The following CCSER1 variants were observed in gnomAD, a reference collection of about 807,000 sequenced individuals.
CCSER1 encodes the protein coiled-coil serine rich protein 1, also known as serine-rich coiled-coil domain-containing protein 1.
CCSER1 carries 41 observed loss-of-function variants against 82.0 expected under a neutral mutation model. The observed-to-expected ratio is 0.50, with a 90% CI of 0.39 to 0.65. The LOEUF (loss-of-function observed/expected upper bound fraction) is 0.65, where lower values mean the gene tolerates loss of function less well. Ranked by LOEUF, CCSER1 falls within the 30% of genes least tolerant of loss-of-function variation. The probability of loss-of-function intolerance (pLI) is 0.00; values close to 1 mark genes in which losing one functional copy is unlikely to be tolerated. For missense variants in CCSER1, 1,119 were observed against 1,064.2 expected (o/e 1.05, Z -0.72); for synonymous variants, 414 against 383.9 (o/e 1.08, Z -0.92).
intron 4 of CCSER1, among the ~76,000 whole-genome samples, chr4:90,419,616 A>C (rs1756378708): frequency 6.6e-6 from 1 of 151,946 alleles, no homozygotes; most frequent in Admixed American, 6.6e-5. Flanking sequence ...AATCATAATA[A>C]CATCTTAGAA....
At chr4:91,334,322 C>T (rs539223369) in intron 10 of CCSER1, among the ~76,000 whole-genome samples, 1 of 152,158 alleles carries the variant, frequency 6.6e-6, no homozygotes, top group Admixed American at 6.6e-5. Flanking sequence ...ACCTCGTATG[C>T]TTCTTGAGGT....
At chr4:90,266,825 C>A (rs1311712459) in intron 1 of CCSER1, among the ~76,000 whole-genome samples, 2 of 151,874 alleles carry the variant, frequency 1.3e-5, no homozygotes, top group African/African-American at 4.8e-5. Flanking sequence ...TGTCTGGGGT[C>A]CTAAATAAAC....
intron 9 of CCSER1, among the ~76,000 whole-genome samples, chr4:91,045,190 C>G (rs1742341909): frequency 6.6e-6 from 1 of 152,172 alleles, no homozygotes; most frequent in South Asian, 2.1e-4. Flanking sequence ...GTAAATGCAG[C>G]AGTCACTGAG....
intron 8 of CCSER1, among the ~76,000 whole-genome samples, chr4:90,893,694 C>T (rs771064019): frequency 1.3e-5 from 2 of 151,732 alleles, no homozygotes; most frequent in Non-Finnish European, 1.5e-5. Context: ...CTCAGCATTA[C>T]TTTTACAAAT....
chr4:90,893,472 G>A (rs1481954456), intron 8 of CCSER1, among the ~76,000 whole-genome samples: 2 of 152,002 alleles, frequency 1.3e-5, no homozygotes, highest in African/African-American at 4.8e-5. Context: ...AAAGAAGATA[G>A]GCATTGATTG....
chr4:90,367,599 C>A (rs1746491959), intron 3 of CCSER1, among the ~76,000 whole-genome samples: 1 of 150,368 alleles, frequency 6.7e-6, no homozygotes, highest in Non-Finnish European at 1.5e-5. Flanking sequence ...AATATATGCA[C>A]AAAAGAAAGC....
Position 90,744,061 on chromosome 4 carries a change from T to C in CCSER1, c.2010+20070T>C, listed in dbSNP as rs190558346. On this transcript the variant is annotated intron_variant, in intron 7 of 10. Transcript: ENST00000509176. ...AGGTTCTCTTATGCATAAGATTTTATGTAAAGGTACTGGGGGCTGGGAATA... is the reference window on the plus strand; with the variant it reads ...AGGTTCTCTTATGCATAAGATTTTACGTAAAGGTACTGGGGGCTGGGAATA... Among the ~76,000 whole-genome samples, 10 of 152,326 alleles carry C rather than the reference T, an allele frequency of 6.6e-5. No homozygotes were observed. In the East Asian group the frequency reaches 1.9e-3, roughly 29 times the overall value.
At chr4:90,441,421 C>A (rs1340396677) in intron 4 of CCSER1, among the ~76,000 whole-genome samples, 3 of 152,058 alleles carry the variant, frequency 2.0e-5, no homozygotes, top group African/African-American at 4.8e-5. Context: ...TAGATGGCCA[C>A]CTTTTTGCTG....
chr4:90,998,727 T>G (rs1163580394), intron 9 of CCSER1, among the ~76,000 whole-genome samples: 11 of 151,804 alleles, frequency 7.2e-5, no homozygotes, highest in Non-Finnish European at 1.6e-4. Context: ...TACACAGTTT[T>G]TTTTTTTTAC....
intron 3 of CCSER1, among the ~76,000 whole-genome samples, chr4:90,367,994 G>A (rs1746572902): frequency 6.6e-6 from 1 of 151,952 alleles, no homozygotes; most frequent in African/African-American, 2.4e-5. Context: ...ATGTTTAACA[G>A]GCCTTTCCTG....
intron 1 of CCSER1, among the ~76,000 whole-genome samples, chr4:90,278,346 T>C (rs2153458918): frequency 6.6e-6 from 1 of 151,992 alleles, no homozygotes; most frequent in Admixed American, 6.6e-5. Context: ...TAGAGAAAAA[T>C]AAATCATTCT....
At chr4:90,367,520 A>C (rs1746478698) in intron 3 of CCSER1, among the ~76,000 whole-genome samples, 1 of 151,936 alleles carries the variant, frequency 6.6e-6, no homozygotes, top group Non-Finnish European at 1.5e-5. Flanking sequence ...GACAAACTTA[A>C]AAGAAAAAAA....
chr4:91,539,565 A>G lies in CCSER1; in HGVS notation c.2218-59007A>G, dbSNP rs570072470. On this transcript the variant is annotated intron_variant, in intron 10 of 10. Transcript: ENST00000509176. ...AAATATTTGCTGAATTTGGTCATCC[A>G]TGGTATTGCTAGTGGTTTCCTAAAT... Among the ~76,000 whole-genome samples the G allele has an allele frequency of 3.9e-5, 6 of 152,178 alleles. No individual in the cohort carries two copies. The South Asian group carries it at 8.3e-4, about 21-fold the overall frequency.
intron 10 of CCSER1, among the ~76,000 whole-genome samples, chr4:91,166,072 C>A (rs554081435): frequency 2.7e-4 from 41 of 152,206 alleles, no homozygotes; most frequent in Admixed American, 7.2e-4. Flanking sequence ...AAATGGAATG[C>A]AATTATAGCT....
chr4:90,946,339 T>C (rs1407242460), intron 9 of CCSER1, among the ~76,000 whole-genome samples: 2 of 152,068 alleles, frequency 1.3e-5, no homozygotes, highest in Non-Finnish European at 2.9e-5. Context: ...TATTCTCAAT[T>C]TATGGAGGAG....
At chr4:91,358,932 C>T (rs1282380122) in intron 10 of CCSER1, among the ~76,000 whole-genome samples, 1 of 152,138 alleles carries the variant, frequency 6.6e-6, no homozygotes, top group Non-Finnish European at 1.5e-5. Flanking sequence ...AGTCACCTCG[C>T]TTCCCAGTCA....
chr4:90,209,213 G>A (rs1055418501), intron 1 of CCSER1, among the ~76,000 whole-genome samples: 1 of 152,114 alleles, frequency 6.6e-6, no homozygotes, highest in Non-Finnish European at 1.5e-5. Flanking sequence ...AATAGATGGC[G>A]GTATGGGTGT....
chr4:90,136,354 A>G (rs1723699042), intron 1 of CCSER1, among the ~76,000 whole-genome samples: 1 of 152,202 alleles, frequency 6.6e-6, no homozygotes, highest in Admixed American at 6.5e-5. Flanking sequence ...TGTCTCTAAA[A>G]AAGAAAAGGT....
At chr4:90,425,270 G>A (rs1012020028) in intron 4 of CCSER1, among the ~76,000 whole-genome samples, 1 of 152,048 alleles carries the variant, frequency 6.6e-6, no homozygotes, top group Non-Finnish European at 1.5e-5. Context: ...GGAATCACCT[G>A]GTGCAGGTAA....
Sources: gnomAD v4.1 joint callset for allele counts (sites outside exome capture counted in the v4.1 genomes callset) on GRCh38, gnomAD v4.1.1 for gene constraint, MANE v1.5 for transcripts, NCBI Gene and HGNC (gene_info 2026-07-23, HGNC 2026-07-21) for gene names.